The following DTHD1 variants were observed in gnomAD, a reference collection of about 807,000 sequenced individuals.
DTHD1 encodes death domain containing 1.
DTHD1 carries 59 observed loss-of-function variants against 74.8 expected under a neutral mutation model. The observed-to-expected ratio is 0.79, with a 90% CI of 0.64 to 0.98. DTHD1 has a LOEUF of 0.98. Among genes scored for constraint, DTHD1 ranks in the 50% least tolerant of loss-of-function variants. DTHD1 has a pLI of 0.00. For missense variants in DTHD1, 1,051 were observed against 1,065.4 expected, an observed-to-expected ratio of 0.99 and a Z score of 0.19; for synonymous variants, 365 against 371.1, an observed-to-expected ratio of 0.98 and a Z score of 0.19.
In DTHD1 at chr4:36,297,023, G is replaced by A. The variant is rs201481638; in HGVS notation, c.1643+1984G>A. 2.0e-4 allele frequency among the ~76,000 whole-genome samples: 31 copies of A among 152,242 alleles called. No homozygotes were observed. In the East Asian group the frequency reaches 4.4e-3, roughly 22 times the overall value. On this transcript the variant is annotated intron_variant, in intron 5 of 9. Transcript: ENST00000639862. ...CTGCTTCTTATAATAAAATAAGCTA[G>A]AGAAAAGAAAACGTTATTAAGAAAA... is the stretch of plus-strand genomic sequence containing the variant.
intron 8 of DTHD1, among the ~76,000 whole-genome samples, chr4:36,325,484 A>G (rs1758290574): frequency 6.6e-6 from 1 of 152,254 alleles, no homozygotes; most frequent in African/African-American, 2.4e-5. Flanking sequence ...TAAACTAGAA[A>G]TGGATGAGCT....
At chr4:36,287,078 C>T (rs989857331) in intron 2 of DTHD1, among the ~76,000 whole-genome samples, 16 of 152,118 alleles carry the variant, frequency 1.1e-4, no homozygotes, top group African/African-American at 3.6e-4. Context: ...GCACCCATCA[C>T]CTGAGCAGTG....
intron 9 of DTHD1, among the ~76,000 whole-genome samples, chr4:36,342,667 G>C (rs1390782923): frequency 1.3e-5 from 2 of 152,040 alleles, no homozygotes; most frequent in African/African-American, 4.8e-5. Context: ...GTGTGTGTGA[G>C]TGTGTGTATA....
intron 5 of DTHD1, among the ~76,000 whole-genome samples, chr4:36,299,938 C>A (rs1756662187): frequency 2.6e-5 from 4 of 152,112 alleles, no homozygotes; most frequent in Admixed American, 2.6e-4. Flanking sequence ...CCACTACACT[C>A]CAGCCTGGGT....
intron 8 of DTHD1, among the ~76,000 whole-genome samples, chr4:36,329,478 A>G (rs9306932): frequency 0.11 from 16,129 of 152,182 alleles, 1,907 homozygotes; most frequent in African/African-American, 0.29. Flanking sequence ...AGTTTTTTCC[A>G]GCTTAAGTTA....
intron 1 of DTHD1, 125 bp downstream of exon 1, chr4:36,282,154 T>C: frequency 3.9e-6 from 3 of 775,116 alleles, no homozygotes; most frequent in Non-Finnish European, 3.6e-6. Context: ...GACTAACAAT[T>C]TCAAAGGGGA....
chr4:36,293,737 T>C (rs1020004462), intron 4 of DTHD1, 32 bp downstream of exon 4: 1 of 1,445,654 alleles, frequency 6.9e-7, no homozygotes, highest in Non-Finnish European at 9.2e-7. Flanking sequence ...GAGTTCCTGC[T>C]CATAGATTTT....
At chr4:36,337,406 C>T (rs1759073846) in intron 8 of DTHD1, among the ~76,000 whole-genome samples, 1 of 152,040 alleles carries the variant, frequency 6.6e-6, no homozygotes, top group African/African-American at 2.4e-5. Context: ...CATCAAAATG[C>T]GATGAGACAT....
chr4:36,283,125 C>T (rs559476027), intron 1 of DTHD1, among the ~76,000 whole-genome samples: 1 of 152,152 alleles, frequency 6.6e-6, no homozygotes, highest in Admixed American at 6.5e-5. Context: ...ATTACCTATT[C>T]TTTAGTTCAG....
chr4:36,313,165 T>C (rs1466823696), intron 7 of DTHD1, among the ~76,000 whole-genome samples: 1 of 152,234 alleles, frequency 6.6e-6, no homozygotes, highest in East Asian at 1.9e-4. Context: ...ATGCCCATTA[T>C]TGAGAAGAAA....
At position 36,346,873 on chromosome 4, in the gene DTHD1, C is replaced by T. The variant is rs189663416; in HGVS notation, c.*3049C>T. ...CTTTGGTAACTGGTCTTCTTCTTGTCTCTTCAAGTCTAAGGGTGGTAATAG... is the reference window on the plus strand; with the variant it reads ...CTTTGGTAACTGGTCTTCTTCTTGTTTCTTCAAGTCTAAGGGTGGTAATAG... On this transcript the variant is annotated 3_prime_UTR_variant, in exon 10 of 10. Transcript: ENST00000639862. Among the ~76,000 whole-genome samples the T allele has an allele frequency of 6.6e-6, 1 of 152,250 alleles. No homozygotes were observed. The highest frequency in any genetic ancestry group is 6.5e-5 in the Admixed American group (1 of 15,284).
chr4:36,295,180 G>A (rs1157755297), intron 5 of DTHD1, 141 bp downstream of exon 5: 25 of 1,125,070 alleles, frequency 2.2e-5, no homozygotes, highest in Non-Finnish European at 2.6e-5. Flanking sequence ...AGAAGATATT[G>A]TGGATCCACA....
intron 8 of DTHD1, among the ~76,000 whole-genome samples, chr4:36,334,727 G>A (rs1216742465): frequency 6.6e-6 from 1 of 152,204 alleles, no homozygotes; most frequent in Non-Finnish European, 1.5e-5. Context: ...CAGGGTGTAA[G>A]GCATGTGTTT....
At chr4:36,296,644 A>G (rs191361361) in intron 5 of DTHD1, among the ~76,000 whole-genome samples, 10 of 152,292 alleles carry the variant, frequency 6.6e-5, no homozygotes. Context: ...TTCCTTTGAT[A>G]TTTTTAAATA....
At chr4:36,336,968 T>TG (rs758912666) in intron 8 of DTHD1, among the ~76,000 whole-genome samples, 1 of 151,316 alleles carries the variant, frequency 6.6e-6, no homozygotes, top group Non-Finnish European at 1.5e-5. Context: ...GAGAGGAAAG[T>TG]GGGGGGAAAT....
At chr4:36,325,541 G>A (rs1481799804) in intron 8 of DTHD1, among the ~76,000 whole-genome samples, 1 of 152,180 alleles carries the variant, frequency 6.6e-6, no homozygotes, top group Non-Finnish European at 1.5e-5. Flanking sequence ...ACAGAAGACA[G>A]TGTGATAGCC....
chr4:36,290,785 G>GCAATT, intron 3 of DTHD1, 82 bp downstream of exon 3: 1 of 1,116,286 alleles, frequency 9.0e-7, no homozygotes, highest in Non-Finnish European at 1.2e-6. Flanking sequence ...TTGTAGTGTA[G>GCAATT]ATATAATTGC....
At chr4:36,322,594 G>A (rs1346380783) in intron 8 of DTHD1, among the ~76,000 whole-genome samples, 1 of 152,026 alleles carries the variant, frequency 6.6e-6, no homozygotes, top group African/African-American at 2.4e-5. Context: ...TCAAGGACTC[G>A]AAGGAAGGCT....
At position 36,343,378 on chromosome 4, in the gene DTHD1, T is replaced by A. The variant is rs959361228; in HGVS notation, c.2399-124T>A. On this transcript the variant is annotated intron_variant, in intron 9 of 9. Coordinates refer to ENST00000639862, the MANE Select transcript of DTHD1 (RefSeq NM_001170700.3). ...TTGTTGCTCCAGGTAGTCTCATATC[T>A]CTGCACTGCTCCAAGGCCAAACAAA... 8.1e-6 allele frequency: 7 copies of A among 864,408 alleles called. No individual in the cohort carries two copies. The African/African-American group carries it at 8.5e-5, about 11-fold the overall frequency. 53.5% of individuals were successfully genotyped at this position (864,408 alleles called of 1,614,324 possible).
Sources: allele counts gnomAD v4.1 joint callset (sites outside exome capture counted in the v4.1 genomes callset), GRCh38; gene constraint gnomAD v4.1.1; transcripts MANE v1.5; gene names NCBI Gene and HGNC (gene_info 2026-07-23, HGNC 2026-07-21).